Variants in ASAP1 observed in about 807,000 individuals in gnomAD.
ASAP1 encodes ArfGAP with SH3 domain, ankyrin repeat and PH domain 1, also known as arf-GAP with SH3 domain, ANK repeat and PH domain-containing protein 1.
In ASAP1, 43 loss-of-function variants were observed where a neutral mutation model predicts 145.2. That is an observed-to-expected ratio of 0.30 (90% CI 0.23 to 0.38). ASAP1 has a LOEUF of 0.38. ASAP1 is among the 10% of genes least tolerant of loss of function. The pLI, the probability that ASAP1 is intolerant of heterozygous loss-of-function variation, is 1.00. For synonymous variants in ASAP1, 546 were observed against 515.5 expected (o/e 1.06, Z -0.80); for missense variants, 1,018 against 1,355.3 (o/e 0.75, Z 3.91).
Position 130,358,810 on chromosome 8 carries a change from C to T in ASAP1, c.60-667G>A, listed in dbSNP as rs1344421937. On this transcript the variant is annotated intron_variant, in intron 2 of 29. Transcript: ENST00000518721. This position sits in a 1 kb window ranked among gnomAD's most constrained non-coding sequence, Gnocchi z 4.1. The stretch of plus-strand genomic sequence containing the variant: ...CTGGCTCCGAAGCTGCCGCTCCCGA[C>T]CCCGGCTGCGCGGCACGGGGGCTCC... Among the ~76,000 whole-genome samples the T allele has an allele frequency of 4.6e-5, 7 of 150,954 alleles. No individual in the cohort carries two copies. The highest frequency in any genetic ancestry group is 2.0e-4 in the Admixed American group (3 of 15,194).
At chr8:130,243,847 A>T (rs1305419942) in intron 3 of ASAP1, among the ~76,000 whole-genome samples, 1 of 151,250 alleles carries the variant, frequency 6.6e-6, no homozygotes, top group African/African-American at 2.4e-5. Flanking sequence ...AAGAACTAAC[A>T]CTCTCTGAAA....
At chr8:130,201,845 G>A (rs1388554121) in intron 5 of ASAP1, among the ~76,000 whole-genome samples, 3 of 152,048 alleles carry the variant, frequency 2.0e-5, no homozygotes, top group Non-Finnish European at 1.5e-5. Flanking sequence ...CTGTAACATC[G>A]GATCACATTT....
chr8:130,073,792 G>C (rs113998796), intron 27 of ASAP1, among the ~76,000 whole-genome samples: 1,726 of 152,276 alleles, frequency 0.011, 32 homozygotes, highest in African/African-American at 0.04. Context: ...TTCACACACA[G>C]AGACAATGCG....
chr8:130,239,007 A>T (rs187720672), intron 3 of ASAP1, among the ~76,000 whole-genome samples: 6 of 152,238 alleles, frequency 3.9e-5, no homozygotes, highest in African/African-American at 7.2e-5. Flanking sequence ...GTATCTTTTT[A>T]AAAAAATTTA....
At chr8:130,348,195 G>C (rs917169653) in intron 3 of ASAP1, among the ~76,000 whole-genome samples, 12 of 152,194 alleles carry the variant, frequency 7.9e-5, no homozygotes, top group Non-Finnish European at 1.5e-4. Context: ...AGGTATCCAG[G>C]CTATTTTAAT....
intron 15 of ASAP1, among the ~76,000 whole-genome samples, chr8:130,131,901 C>T (rs1334141004): frequency 1.3e-5 from 2 of 152,160 alleles, no homozygotes; most frequent in Non-Finnish European, 2.9e-5. Flanking sequence ...ACACCAATCT[C>T]TTAACAAAAC....
intron 3 of ASAP1, among the ~76,000 whole-genome samples, chr8:130,247,528 A>T (rs951865976): frequency 1.3e-5 from 2 of 151,712 alleles, no homozygotes; most frequent in African/African-American, 4.8e-5. Flanking sequence ...AGGACCCTTA[A>T]AAAAAAACAA....
At chr8:130,188,225 A>G (rs576257345) in intron 5 of ASAP1, 42 bp from the exon 6 acceptor site, 44 of 1,487,756 alleles carry the variant, frequency 3.0e-5, no homozygotes, top group Non-Finnish European at 4.1e-5. Flanking sequence ...TAAAAAATAA[A>G]GTCCACATGA....
intron 15 of ASAP1, among the ~76,000 whole-genome samples, chr8:130,133,802 A>C (rs188345304): frequency 1.1e-3 from 174 of 152,228 alleles, no homozygotes; most frequent in Middle Eastern, 0.01. Flanking sequence ...GGCACATGGC[A>C]GTTTCCTTCC....
intron 9 of ASAP1, among the ~76,000 whole-genome samples, chr8:130,175,249 CAG>C (rs1273672294): frequency 1.3e-5 from 2 of 152,056 alleles, no homozygotes; most frequent in Non-Finnish European, 2.9e-5. Context: ...TTTTAATATA[CAG>C]AGTCTTGCTT....
At chr8:130,228,693 C>T (rs1477288444) in intron 4 of ASAP1, among the ~76,000 whole-genome samples, 6 of 132,596 alleles carry the variant, frequency 4.5e-5, no homozygotes, top group East Asian at 4.8e-4. Context: ...AGAGTGAGAC[C>T]CTGTCTTAAA....
intron 4 of ASAP1, among the ~76,000 whole-genome samples, chr8:130,228,592 T>C (rs1228447193): frequency 6.6e-6 from 1 of 151,152 alleles, no homozygotes; most frequent in African/African-American, 2.4e-5. Context: ...TCCTAGCTAC[T>C]CAGAAGGCTG....
chr8:130,245,075 G>C lies in ASAP1; in HGVS notation c.187-8081C>G, dbSNP rs374320835. 2.0e-3 allele frequency among the ~76,000 whole-genome samples: 310 copies of C among 152,280 alleles called. 1 individual carries two copies. Among genetic ancestry groups the C allele is most frequent in the Middle Eastern group, 0.01 (3 of 294 alleles). Reference sequence around the variant, plus strand: ...CAGAATACTTGCCAACAGAGGAAGAGGGACCTGGCAGCCGCAGCTTATATG... The same window carrying C: ...CAGAATACTTGCCAACAGAGGAAGACGGACCTGGCAGCCGCAGCTTATATG... On this transcript the variant is annotated intron_variant, in intron 3 of 29. Transcript: ENST00000518721.
At chr8:130,333,853 C>T (rs1824857486) in intron 3 of ASAP1, among the ~76,000 whole-genome samples, 1 of 152,172 alleles carries the variant, frequency 6.6e-6, no homozygotes, top group Non-Finnish European at 1.5e-5. Flanking sequence ...CATGCCTATC[C>T]CCCAGAAGCT....
chr8:130,301,105 G>A (rs1475039643), intron 3 of ASAP1, among the ~76,000 whole-genome samples: 1 of 152,036 alleles, frequency 6.6e-6, no homozygotes, highest in Non-Finnish European at 1.5e-5. Flanking sequence ...TGGTGTATGG[G>A]GACCCAGCAT....
chr8:130,076,318 A>C (rs1355715300), intron 27 of ASAP1, 30 bp downstream of exon 27: 1 of 1,564,764 alleles, frequency 6.4e-7, no homozygotes, highest in East Asian at 2.2e-5. Context: ...CACTTTAATT[A>C]CATGTAAATG....
chr8:130,299,949 G>A (rs560350336), intron 3 of ASAP1, among the ~76,000 whole-genome samples: 4 of 152,136 alleles, frequency 2.6e-5, no homozygotes, highest in African/African-American at 9.6e-5. Context: ...AACCACTAAG[G>A]GATGGAGGGA....
At chr8:130,187,724 A>G (rs1814835176) in intron 6 of ASAP1, among the ~76,000 whole-genome samples, 1 of 152,188 alleles carries the variant, frequency 6.6e-6, no homozygotes, top group South Asian at 2.1e-4. Context: ...CCTGGCCAAC[A>G]TCAAACCATG....
Position 130,054,773 on chromosome 8 carries a change from C to A in ASAP1, c.3348G>T (p.Lys1116Asn). ...IGHIEGQPER[K>N]GVFPVSFVHI... is the part of the protein sequence containing the mutation. Reference sequence around the variant, plus strand: ...GAACAAAGGACACTGGAAAGACCCCCTTCCTTTCAGGCTGTCCTTCGATGT... The same window carrying A: ...GAACAAAGGACACTGGAAAGACCCCATTCCTTTCAGGCTGTCCTTCGATGT... The change falls in exon 30 of 30, where the codon AAG (lysine) becomes AAT (asparagine). Residue 1116 changes from lysine to asparagine, a missense_variant. Around this residue, in one of 9 missense-constraint regions of ASAP1, gnomAD observed 62 missense variants for 97.8 expected, o/e 0.63. Coordinates refer to ENST00000518721, the MANE Select transcript of ASAP1 (RefSeq NM_018482.4). 1.2e-6 allele frequency: 2 copies of A among 1,613,726 alleles called. No homozygotes were observed. The highest frequency in any genetic ancestry group is 1.7e-6 in the Non-Finnish European group (2 of 1,179,690).
Sources: allele counts gnomAD v4.1 joint callset (sites outside exome capture counted in the v4.1 genomes callset), GRCh38; gene constraint gnomAD v4.1.1; regional missense constraint gnomAD v4.1.1; non-coding constraint Gnocchi (gnomAD v3.1); transcripts MANE v1.5; gene names NCBI Gene and HGNC (gene_info 2026-07-23, HGNC 2026-07-21).